The following PITPNB variants were observed in gnomAD, a reference collection of about 807,000 sequenced individuals.
PITPNB encodes the protein phosphatidylinositol transfer protein beta, also known as phosphatidylinositol transfer protein beta isoform.
Under a neutral mutation model 45.9 loss-of-function variants are expected in PITPNB, and 16 were observed. The ratio of observed to expected loss-of-function variants is 0.35; its 90% confidence interval spans 0.24 to 0.53. PITPNB has a LOEUF of 0.53. Among genes scored for constraint, PITPNB ranks in the 20% least tolerant of loss-of-function variants. The pLI, the probability that PITPNB is intolerant of heterozygous loss-of-function variation, is 0.93. For missense variants in PITPNB, 188 were observed against 330.5 expected, an observed-to-expected ratio of 0.57 and a Z score of 3.34; for synonymous variants, 112 against 108.9, an observed-to-expected ratio of 1.03 and a Z score of -0.18.
At chr22:27,857,547 TCAAACGCTCACACCTGCAGGGCTTC>T (rs1338268988) in intron 10 of PITPNB, among the ~76,000 whole-genome samples, 1 of 152,162 alleles carries the variant, frequency 6.6e-6, no homozygotes, top group Non-Finnish European at 1.5e-5. Context: ...CAGGCGTCTG[TCAAACGCTCACACCTGCAGGGCTTC>T]CAAAACTGGA....
intron 3 of PITPNB, among the ~76,000 whole-genome samples, chr22:27,905,172 G>A (rs554049406): frequency 3.3e-5 from 5 of 152,128 alleles, no homozygotes; most frequent in East Asian, 1.9e-4. Context: ...TGTTTGAGAC[G>A]GAGTCTCACT....
intron 10 of PITPNB, among the ~76,000 whole-genome samples, chr22:27,857,282 G>A (rs1307340506): frequency 1.3e-5 from 2 of 152,148 alleles, no homozygotes; most frequent in Non-Finnish European, 2.9e-5. Context: ...ATAAGTTGGA[G>A]TCTGCCTATA....
chr22:27,870,683 G>C (rs1043248574), intron 8 of PITPNB, among the ~76,000 whole-genome samples: 2 of 152,108 alleles, frequency 1.3e-5, no homozygotes, highest in Non-Finnish European at 2.9e-5. Context: ...TCGTTCCCCA[G>C]TGCTACCCTC....
chr22:27,883,405 C>G (rs888632162), intron 7 of PITPNB, among the ~76,000 whole-genome samples: 1 of 152,214 alleles, frequency 6.6e-6, no homozygotes, highest in African/African-American at 2.4e-5. Flanking sequence ...TGGCCTCCAA[C>G]TGAGATTCCT....
intron 7 of PITPNB, among the ~76,000 whole-genome samples, chr22:27,874,954 T>G (rs560139411): frequency 6.6e-6 from 1 of 152,344 alleles, no homozygotes; most frequent in African/African-American, 2.4e-5. Context: ...GAACTGAACA[T>G]GCTCCACAGT....
chr22:27,887,562 C>T (rs1935157774), intron 7 of PITPNB, among the ~76,000 whole-genome samples: 3 of 152,058 alleles, frequency 2.0e-5, no homozygotes, highest in Admixed American at 1.3e-4. Context: ...CCACCCACCC[C>T]ACCTCCCCAG....
At chr22:27,905,159 T>C (rs145371132) in intron 3 of PITPNB, among the ~76,000 whole-genome samples, 1 of 152,190 alleles carries the variant, frequency 6.6e-6, no homozygotes, top group Admixed American at 6.5e-5. Context: ...CCTTTACTTT[T>C]TTTGTTTGAG....
At chr22:27,879,790 T>C (rs934370605) in intron 7 of PITPNB, among the ~76,000 whole-genome samples, 1 of 152,152 alleles carries the variant, frequency 6.6e-6, no homozygotes, top group African/African-American at 2.4e-5. Context: ...GAACATATTA[T>C]ATCAATTTCC....
At chr22:27,883,705 C>T (rs1935037234) in intron 7 of PITPNB, among the ~76,000 whole-genome samples, 1 of 152,204 alleles carries the variant, frequency 6.6e-6, no homozygotes, top group Admixed American at 6.5e-5. Context: ...AAAATGCTCC[C>T]CAGCGACCCT....
chr22:27,854,103 C>G (rs1005429574), intron 11 of PITPNB, among the ~76,000 whole-genome samples: 6 of 152,038 alleles, frequency 3.9e-5, no homozygotes, highest in Non-Finnish European at 7.4e-5. Flanking sequence ...AGCAAAGAAC[C>G]ACAGTGGAGG....
intron 8 of PITPNB, among the ~76,000 whole-genome samples, chr22:27,872,297 T>C (rs1340877928): frequency 2.0e-5 from 3 of 151,946 alleles, no homozygotes; most frequent in Non-Finnish European, 2.9e-5. Flanking sequence ...TTTCAACATG[T>C]TGCCCAGGCT....
At chr22:27,914,436 A>G (rs1936021270) in intron 1 of PITPNB, 89 bp from the exon 2 acceptor site, 2 of 763,792 alleles carry the variant, frequency 2.6e-6, no homozygotes, top group Non-Finnish European at 4.3e-6. Flanking sequence ...AAATCCAATG[A>G]TAACAGAGAC....
At chr22:27,895,755 C>T (rs1935413719) in intron 6 of PITPNB, among the ~76,000 whole-genome samples, 1 of 152,200 alleles carries the variant, frequency 6.6e-6, no homozygotes, top group Non-Finnish European at 1.5e-5. Context: ...CAATCATTAA[C>T]CTACTCTCCT....
intron 7 of PITPNB, among the ~76,000 whole-genome samples, chr22:27,887,566 TC>T (rs1346283894): frequency 6.9e-6 from 1 of 145,176 alleles, no homozygotes; most frequent in Admixed American, 6.8e-5. Flanking sequence ...CCACCCCACC[TC>T]CCCAGGTCTA....
At chr22:27,868,179 A>G (rs1037433786) in intron 8 of PITPNB, among the ~76,000 whole-genome samples, 1 of 152,204 alleles carries the variant, frequency 6.6e-6, no homozygotes, top group African/African-American at 2.4e-5. Context: ...CTCACAGACA[A>G]GTCGAGGCTA....
intron 7 of PITPNB, among the ~76,000 whole-genome samples, chr22:27,884,728 T>A (rs1183681478): frequency 6.6e-6 from 1 of 152,212 alleles, no homozygotes; most frequent in African/African-American, 2.4e-5. Flanking sequence ...TAAATTTGAT[T>A]CATTTCAATA....
chr22:27,896,586 G>C lies in PITPNB; in HGVS notation c.338C>G (p.Thr113Arg), dbSNP rs1444802809. 1 of 1,611,422 alleles carries C rather than the reference G, an allele frequency of 6.2e-7. No homozygotes were observed. The highest frequency in any genetic ancestry group is 8.5e-7 in the Non-Finnish European group (1 of 1,177,544). ...MKDDFFIKIETWHKPDLGTLE... is the reference protein window; with the variant it reads ...MKDDFFIKIERWHKPDLGTLE... ...TGTTCCCAAGTCTGGTTTGTGCCATGTTTCGATTTTAATGAAGAAATCATC... is the reference window on the plus strand; with the variant it reads ...TGTTCCCAAGTCTGGTTTGTGCCATCTTTCGATTTTAATGAAGAAATCATC... The change falls in exon 6 of 12, where the codon ACA (threonine) becomes AGA (arginine). Residue 113 changes from threonine to arginine, a missense_variant. Physicochemically the swap from Thr to Arg is moderately conservative, Grantham distance 71. Coordinates refer to ENST00000335272, the MANE Select transcript of PITPNB (RefSeq NM_012399.5).
At chr22:27,899,331 T>C (rs902705903) in intron 3 of PITPNB, among the ~76,000 whole-genome samples, 3 of 152,196 alleles carry the variant, frequency 2.0e-5, no homozygotes, top group African/African-American at 4.8e-5. Context: ...ACTTATTTCT[T>C]TTTTCTTTTT....
chr22:27,853,730 G>C, intron 11 of PITPNB, 67 bp from the exon 12 acceptor site: 1 of 1,065,654 alleles, frequency 9.4e-7, no homozygotes, highest in Non-Finnish European at 1.4e-6. Flanking sequence ...TTAGCAGCTC[G>C]TCACACACAC....
Sources: gnomAD v4.1 joint callset for allele counts (sites outside exome capture counted in the v4.1 genomes callset) on GRCh38, gnomAD v4.1.1 for gene constraint, MANE v1.5 for transcripts, NCBI Gene and HGNC (gene_info 2026-07-23, HGNC 2026-07-21) for gene names.